The following OR2G6 variants were observed in gnomAD, a reference collection of about 807,000 sequenced individuals.
OR2G6 encodes olfactory receptor family 2 subfamily G member 6.
For synonymous variants in OR2G6, 183 were observed against 155.2 expected, an observed-to-expected ratio of 1.18 and a Z score of -1.33; for missense variants, 457 against 391.3, an observed-to-expected ratio of 1.17 and a Z score of -1.42.
chr1:248,521,698 T>G lies in OR2G6; in HGVS notation c.52T>G (p.Ser18Ala), dbSNP rs1664287639. Residue 18 changes from serine to alanine, a missense_variant, in exon 2 of 2, where the codon TCA becomes GCA. By Grantham distance (99) the Ser-to-Ala change is moderately conservative (BLOSUM62 1). Transcript: ENST00000641804. ...AAAGGGATTTCTTCTCCTGGGATTT[T>G]CAGATCAGCCTCAGCTAGAGAGGTT... ...SEKGFLLLGF[S>A]DQPQLERFLF... 1 of 1,613,986 alleles carries G rather than the reference T, an allele frequency of 6.2e-7. No individual in the cohort carries two copies. Among genetic ancestry groups the G allele is most frequent in the Non-Finnish European group, 8.5e-7 (1 of 1,180,032 alleles).
At position 248,526,826 on chromosome 1, in the gene OR2G6, C is replaced by T. The variant is rs1170977879; in HGVS notation, c.*4229C>T. The T allele has an allele frequency of 6.8e-6, 1 of 147,102 alleles. No individual in the cohort carries two copies. Among genetic ancestry groups the T allele is most frequent in the Non-Finnish European group, 1.5e-5 (1 of 67,364 alleles). The allele number at this position is 147,102 out of a possible 1,614,324, so 9.1% of individuals were successfully genotyped here. A position where few individuals can be genotyped will look rare whatever the true frequency, so the allele number is the denominator to read the frequency against. On this transcript the variant is annotated 3_prime_UTR_variant, in exon 2 of 2. Transcript: ENST00000641804. ...GAAGTGTCTGTTCATATCTTTCGCC[C>T]ACTTTTTGATGGGTTTTTTTTTTCT... is the stretch of plus-strand genomic sequence containing the variant.
rs936967543 is a variant in OR2G6 at position 248,526,910 on chromosome 1, G to A, written c.*4313G>A. On this transcript the variant is annotated 3_prime_UTR_variant, in exon 2 of 2. Transcript: ENST00000641804. ...ATATTATCCCTTTGTCAGATGAGTAGACTGCAAAAATTTTCTCCCATTCTC... is the reference window on the plus strand; with the variant it reads ...ATATTATCCCTTTGTCAGATGAGTAAACTGCAAAAATTTTCTCCCATTCTC... The A allele has an allele frequency of 3.3e-5, 5 of 151,910 alleles. No homozygotes were observed. Among genetic ancestry groups the A allele is most frequent in the African/African-American group, 1.2e-4 (5 of 41,360 alleles). 9.4% of individuals were successfully genotyped at this position (151,910 alleles called of 1,614,324 possible). A position where few individuals can be genotyped will look rare whatever the true frequency, so the allele number is the denominator to read the frequency against.
intron 1 of OR2G6, among the ~76,000 whole-genome samples, chr1:248,508,947 G>A (rs1268535125): frequency 7.7e-6 from 1 of 129,322 alleles, no homozygotes; most frequent in Non-Finnish European, 1.6e-5. Context: ...GGTGATTATT[G>A]TAGCAAAACA....
chr1:248,522,604 C>G lies in OR2G6; in HGVS notation c.*7C>G. The G allele has an allele frequency of 6.4e-7, 1 of 1,574,550 alleles. No homozygotes were observed. ...ACAAAGCCACAAGGACTAGGAAACA[C>G]CTGGAATTCTAAACAAGGGAAACAC... On this transcript the variant is annotated 3_prime_UTR_variant, in exon 2 of 2. Transcript: ENST00000641804.
At position 248,522,900 on chromosome 1, in the gene OR2G6, GA is replaced by G. The variant is rs139271968; in HGVS notation, c.*310del. The G allele has an allele frequency of 5.3e-3, 1,564 of 293,284 alleles. 30 individuals are homozygous for G. The highest frequency in any genetic ancestry group is 0.032 in the African/African-American group (1,452 of 46,032). 18.2% of individuals were successfully genotyped at this position (293,284 alleles called of 1,614,324 possible). Reference sequence around the variant, plus strand: ...AATCCAAGACCCTGTGTTCTATCTGGAAAAAAATGTTTGTCCTTCATCCACC... The same window carrying G: ...AATCCAAGACCCTGTGTTCTATCTGGAAAAAATGTTTGTCCTTCATCCACC... On this transcript the variant is annotated 3_prime_UTR_variant, in exon 2 of 2. Coordinates refer to ENST00000641804, the MANE Select transcript of OR2G6 (RefSeq NM_001013355.2).
rs545301594 is a variant in OR2G6, at chr1:248,526,778, T to G, written c.*4181T>G. ...TAATGAGCATTTTTTCATGTGGCTG[T>G]GGGCTGCATAAATATCTTTTGAGAA... On this transcript the variant is annotated 3_prime_UTR_variant, in exon 2 of 2. Coordinates refer to ENST00000641804, the MANE Select transcript of OR2G6 (RefSeq NM_001013355.2). The G allele has an allele frequency of 5.3e-5, 8 of 152,336 alleles. No individual in the cohort carries two copies. Among genetic ancestry groups the G allele is most frequent in the African/African-American group, 1.9e-4 (8 of 41,578 alleles). 9.4% of individuals were successfully genotyped at this position (152,336 alleles called of 1,614,324 possible).
intron 1 of OR2G6, among the ~76,000 whole-genome samples, chr1:248,520,302 A>G (rs545641169): frequency 7.2e-5 from 11 of 152,188 alleles, no homozygotes; most frequent in Non-Finnish European, 1.3e-4. Flanking sequence ...AAGGAGGGAT[A>G]GCATTAGGAG....
rs958001145 is a variant in OR2G6, at chr1:248,522,419, T to C, written c.773T>C (p.Met258Thr). Reference protein sequence around the residue: ...VIIFYGTIIFMYLQPANRRSK... With the variant: ...VIIFYGTIIFTYLQPANRRSK... Reference sequence around the variant, plus strand: ...ATTTTCTATGGGACCATCATATTCATGTACCTTCAACCGGCCAATAGGAGA... The same window carrying C: ...ATTTTCTATGGGACCATCATATTCACGTACCTTCAACCGGCCAATAGGAGA... The change falls in exon 2 of 2, where the codon ATG (methionine) becomes ACG (threonine). Residue 258 changes from methionine to threonine, a missense_variant. Coordinates refer to ENST00000641804, the MANE Select transcript of OR2G6 (RefSeq NM_001013355.2). 2.5e-6 allele frequency: 4 copies of C among 1,614,184 alleles called. No homozygotes were observed. Among genetic ancestry groups the C allele is most frequent in the African/African-American group, 1.3e-5 (1 of 75,046 alleles).
In OR2G6 at chr1:248,525,209, T is replaced by G. The variant is rs890838324; in HGVS notation, c.*2612T>G. On this transcript the variant is annotated 3_prime_UTR_variant, in exon 2 of 2. Transcript: ENST00000641804. ...TTTTGTTTGTGAATGCTTATAATTA[T>G]GTACTTATAATGTATTTTATAAATA... The G allele has an allele frequency of 6.6e-6, 1 of 152,198 alleles. No homozygotes were observed. Among genetic ancestry groups the G allele is most frequent in the African/African-American group, 2.4e-5 (1 of 41,452 alleles). 9.4% of individuals were successfully genotyped at this position (152,198 alleles called of 1,614,324 possible).
rs1476911253 is a variant in OR2G6, at chr1:248,521,956, G to A, written c.310G>A (p.Ala104Thr). ...YGGCVAQLYV[A>T]MGLGSSECIL... ...TGGCTGTGTGGCCCAGCTCTATGTG[G>A]CCATGGGGTTGGGCTCGTCTGAGTG... The change falls in exon 2 of 2, where the codon GCC becomes ACC. Residue 104 changes from alanine (A) to threonine (T), a missense_variant. Transcript: ENST00000641804. 2 of 1,614,158 alleles carry A rather than the reference G, an allele frequency of 1.2e-6. No individual in the cohort carries two copies. Among genetic ancestry groups the A allele is most frequent in the African/African-American group, 1.3e-5 (1 of 75,048 alleles).
Position 248,524,395 on chromosome 1 carries a change from G to A in OR2G6, c.*1798G>A, listed in dbSNP as rs1664353848. On this transcript the variant is annotated 3_prime_UTR_variant, in exon 2 of 2. Transcript: ENST00000641804. ...TCCTCCTCCAGTAATGGAGAGGAGA[G>A]TTGGGAACTGAGCAGAACATGCTGA... 1 of 152,232 alleles carries A rather than the reference G, an allele frequency of 6.6e-6. No homozygotes were observed. Among genetic ancestry groups the A allele is most frequent in the African/African-American group, 2.4e-5 (1 of 41,462 alleles). The allele number at this position is 152,232 out of a possible 1,614,324, so 9.4% of individuals were successfully genotyped here.
At chr1:248,519,508 T>A (rs892638061) in intron 1 of OR2G6, among the ~76,000 whole-genome samples, 5 of 151,982 alleles carry the variant, frequency 3.3e-5, no homozygotes, top group Admixed American at 6.6e-5. Context: ...TAATTTTTTA[T>A]AAGATGTAAG....
rs1337515965 is a variant in OR2G6 at position 248,524,972 on chromosome 1, A to G, written c.*2375A>G. ...ACACATTTGAAAATAAAATCCTGTT[A>G]CTACTTTCTTGAATTTAGAGCTTTC... On this transcript the variant is annotated 3_prime_UTR_variant, in exon 2 of 2. Coordinates refer to ENST00000641804, the MANE Select transcript of OR2G6 (RefSeq NM_001013355.2). The G allele has an allele frequency of 2.0e-5, 3 of 150,394 alleles. No homozygotes were observed. The highest frequency in any genetic ancestry group is 4.4e-5 in the Non-Finnish European group (3 of 68,020). 9.3% of individuals were successfully genotyped at this position (150,394 alleles called of 1,614,324 possible). A position where few individuals can be genotyped will look rare whatever the true frequency, so the allele number is the denominator to read the frequency against.
At position 248,522,447 on chromosome 1, in the gene OR2G6, C is replaced by CA. The variant is rs774619778; in HGVS notation, c.806dup (p.Asn269LysfsTer40). The stretch of plus-strand genomic sequence containing the variant: ...ACCTTCAACCGGCCAATAGGAGATC[C>CA]AAAAACCAGGGAAAGTTTGTTTCTC... On this transcript the variant is annotated frameshift_variant, in exon 2 of 2. Transcript: ENST00000641804. LOFTEE classifies it low-confidence loss of function (END_TRUNC). 39 of 1,613,930 alleles carry CA rather than the reference C, an allele frequency of 2.4e-5. No homozygotes were observed. The highest frequency in any genetic ancestry group is 5.1e-6 in the Non-Finnish European group (6 of 1,179,968).
At chr1:248,521,040 TAAAAAA>T (rs56891856) in intron 1 of OR2G6, among the ~76,000 whole-genome samples, 1,335 of 83,938 alleles carry the variant, frequency 0.016, 9 homozygotes, top group African/African-American at 0.033. Context: ...AGATTCCATC[TAAAAAA>T]AAAAAAAAAA....
chr1:248,526,258 A>G lies in OR2G6; in HGVS notation c.*3661A>G, dbSNP rs1664395372. ...AACAGCCTGGTATTGGCATAAAAAC[A>G]GACACATGGGCCAATAGAACAGAAT... On this transcript the variant is annotated 3_prime_UTR_variant, in exon 2 of 2. Coordinates refer to ENST00000641804, the MANE Select transcript of OR2G6 (RefSeq NM_001013355.2). The G allele has an allele frequency of 6.6e-6, 1 of 152,216 alleles. No individual in the cohort carries two copies. Among genetic ancestry groups the G allele is most frequent in the East Asian group, 1.9e-4 (1 of 5,196 alleles). The allele number at this position is 152,216 out of a possible 1,614,324, so 9.4% of individuals were successfully genotyped here.
In OR2G6 at chr1:248,526,228, A is replaced by G. The variant is rs185256149; in HGVS notation, c.*3631A>G. Reference sequence around the variant, plus strand: ...CAAAATATACTACCAAGTTATAGTTACCAAAACAGCCTGGTATTGGCATAA... The same window carrying G: ...CAAAATATACTACCAAGTTATAGTTGCCAAAACAGCCTGGTATTGGCATAA... On this transcript the variant is annotated 3_prime_UTR_variant, in exon 2 of 2. Transcript: ENST00000641804. The G allele has an allele frequency of 1.2e-3, 178 of 152,338 alleles. 1 individual carries two copies. Among genetic ancestry groups the G allele is most frequent in the African/African-American group, 4.1e-3 (172 of 41,580 alleles). The allele number at this position is 152,338 out of a possible 1,614,324, so 9.4% of individuals were successfully genotyped here.
intron 1 of OR2G6, among the ~76,000 whole-genome samples, chr1:248,520,034 TC>T (rs1245479798): frequency 2.0e-5 from 3 of 152,128 alleles, no homozygotes; most frequent in African/African-American, 7.2e-5. Context: ...TAAATGCCCA[TC>T]AATGATAGAC....
rs1005977233 is a variant in OR2G6 at position 248,522,937 on chromosome 1, G to A, written c.*340G>A. 4.0e-5 allele frequency: 9 copies of A among 225,110 alleles called. No individual in the cohort carries two copies. The highest frequency in any genetic ancestry group is 5.1e-5 in the Admixed American group (1 of 19,680). The allele number at this position is 225,110 out of a possible 1,614,324, so 13.9% of individuals were successfully genotyped here. ...TGTCCTTCATCCACCTGCCATCAAG[G>A]TTCATGTATCCATTATTTCCTTCTA... On this transcript the variant is annotated 3_prime_UTR_variant, in exon 2 of 2. Coordinates refer to ENST00000641804, the MANE Select transcript of OR2G6 (RefSeq NM_001013355.2).
Sources: allele counts gnomAD v4.1 joint callset (sites outside exome capture counted in the v4.1 genomes callset), GRCh38; gene constraint gnomAD v4.1.1; transcripts MANE v1.5; gene names NCBI Gene and HGNC (gene_info 2026-07-23, HGNC 2026-07-21).